The following SCARA5 variants were observed in gnomAD, a reference collection of about 807,000 sequenced individuals.
SCARA5 encodes scavenger receptor class A member 5.
In SCARA5, 45 loss-of-function variants were observed where a neutral mutation model predicts 46.3. The ratio of observed to expected loss-of-function variants is 0.97; its 90% CI spans 0.76 to 1.24. The LOEUF (loss-of-function observed/expected upper bound fraction) is 1.24. Ranked by LOEUF, SCARA5 falls within the 50% of genes most tolerant of loss-of-function variation. SCARA5 has a pLI of 0.00. For synonymous variants in SCARA5, 333 were observed against 306.5 expected, an observed-to-expected ratio of 1.09 and a Z score of -0.90; for missense variants, 680 against 689.0, an observed-to-expected ratio of 0.99 and a Z score of 0.15.
At chr8:27,874,958 C>T (rs1806698781) in intron 8 of SCARA5, among the ~76,000 whole-genome samples, 1 of 152,182 alleles carries the variant, frequency 6.6e-6, no homozygotes, top group African/African-American at 2.4e-5. Flanking sequence ...ATCTTCAAGG[C>T]CCTCCCATTT....
At chr8:27,941,809 T>G (rs1392981919) in intron 3 of SCARA5, among the ~76,000 whole-genome samples, 1 of 136,878 alleles carries the variant, frequency 7.3e-6, no homozygotes, top group African/African-American at 2.8e-5. Flanking sequence ...TCATTATTAT[T>G]ATTATTATTA....
intron 3 of SCARA5, among the ~76,000 whole-genome samples, chr8:27,928,625 C>T (rs572320918): frequency 4.6e-5 from 7 of 152,120 alleles, no homozygotes; most frequent in Non-Finnish European, 1.5e-5. Flanking sequence ...ACACGGAGAA[C>T]ACACTTGTCT....
intron 3 of SCARA5, among the ~76,000 whole-genome samples, chr8:27,923,148 C>T (rs1442596224): frequency 2.0e-5 from 3 of 152,244 alleles, no homozygotes; most frequent in Non-Finnish European, 4.4e-5. Context: ...ACTAAGAATG[C>T]TTGCTCCAGA....
At chr8:27,966,392 G>C (rs563073955) in intron 3 of SCARA5, 22 bp downstream of exon 3, 1 of 1,584,470 alleles carries the variant, frequency 6.3e-7, no homozygotes, top group Admixed American at 1.9e-5. Context: ...AAAAGACCAG[G>C]ACAAAAATGG....
intron 7 of SCARA5, chr8:27,904,381 G>A (rs1807216331): frequency 2.9e-6 from 1 of 339,456 alleles, no homozygotes; most frequent in Admixed American, 4.2e-5. Context: ...CTCACCAGGT[G>A]TCCAGCATGA....
chr8:27,875,611 C>T (rs1039619681), intron 8 of SCARA5, among the ~76,000 whole-genome samples: 2 of 152,082 alleles, frequency 1.3e-5, no homozygotes, highest in South Asian at 2.1e-4. Flanking sequence ...ATCTGTGCCC[C>T]GAGAACCACC....
At chr8:27,938,159 G>GC (rs1807886812) in intron 3 of SCARA5, among the ~76,000 whole-genome samples, 2 of 152,112 alleles carry the variant, frequency 1.3e-5, no homozygotes, top group Non-Finnish European at 2.9e-5. Flanking sequence ...CCAGGCCATG[G>GC]GGTGCTTCTA....
chr8:27,913,146 G>A (rs1055415954), intron 4 of SCARA5, among the ~76,000 whole-genome samples: 10 of 152,204 alleles, frequency 6.6e-5, no homozygotes, highest in African/African-American at 1.9e-4. Context: ...GAGAGGCAGG[G>A]CTCAAGAACA....
intron 2 of SCARA5, among the ~76,000 whole-genome samples, chr8:27,984,834 T>C (rs1808680304): frequency 6.6e-6 from 1 of 152,142 alleles, no homozygotes; most frequent in Non-Finnish European, 1.5e-5. Context: ...CATCTATCCA[T>C]CTATTCATCC....
At chr8:27,969,787 T>C (rs1808420924) in intron 2 of SCARA5, among the ~76,000 whole-genome samples, 1 of 152,110 alleles carries the variant, frequency 6.6e-6, no homozygotes, top group Non-Finnish European at 1.5e-5. Context: ...TTCTGTACTT[T>C]CCATTTGCCT....
intron 2 of SCARA5, among the ~76,000 whole-genome samples, chr8:27,984,915 TCATC>T (rs999963838): frequency 6.6e-6 from 1 of 151,648 alleles, no homozygotes; most frequent in African/African-American, 2.4e-5. Flanking sequence ...ATTTATTCAT[TCATC>T]CATTCACCCA....
At chr8:27,958,453 G>A (rs750424551) in intron 3 of SCARA5, among the ~76,000 whole-genome samples, 4 of 152,170 alleles carry the variant, frequency 2.6e-5, no homozygotes, top group Admixed American at 2.6e-4. Flanking sequence ...AGGCTGGGGG[G>A]ACTTCAAACG....
chr8:27,921,537 G>A (rs1363897878), intron 4 of SCARA5, 34 bp downstream of exon 4: 1 of 1,514,440 alleles, frequency 6.6e-7, no homozygotes, highest in Non-Finnish European at 8.9e-7. Context: ...ATCAGAAGGG[G>A]CCGTGGGTGG....
intron 8 of SCARA5, 144 bp downstream of exon 8, chr8:27,879,424 AG>A (rs1806773222): frequency 1.4e-6 from 1 of 716,270 alleles, no homozygotes; most frequent in Non-Finnish European, 2.4e-6. Context: ...GGGGCGGGGC[AG>A]TGAGTTCTTA....
At chr8:27,982,812 G>A (rs1167870883) in intron 2 of SCARA5, among the ~76,000 whole-genome samples, 1 of 152,178 alleles carries the variant, frequency 6.6e-6, no homozygotes, top group African/African-American at 2.4e-5. Flanking sequence ...AGAGAACCAA[G>A]GCACCCAACA....
rs139551516 is a variant in SCARA5 at position 27,936,538 on chromosome 8, G to A, written c.242-14293C>T. ...CGGGAGGCAGAGGTTGCAGTGAGCCGAGATCACACCACTGCACTCCAGCCT... is the reference window on the plus strand; with the variant it reads ...CGGGAGGCAGAGGTTGCAGTGAGCCAAGATCACACCACTGCACTCCAGCCT... On this transcript the variant is annotated intron_variant, in intron 3 of 8. Transcript: ENST00000354914. Among the ~76,000 whole-genome samples, 312 of 127,558 alleles carry A rather than the reference G, an allele frequency of 2.4e-3. 3 individuals carry two copies. The highest frequency in any genetic ancestry group is 0.01 in the Middle Eastern group (2 of 194). The allele number at this position is 127,558 out of a possible 152,430, so 83.7% of individuals were successfully genotyped here. A position where few individuals can be genotyped will look rare whatever the true frequency, so the allele number is the denominator to read the frequency against.
chr8:27,984,540 TCATC>T (rs1164908509), intron 2 of SCARA5, among the ~76,000 whole-genome samples: 2 of 149,970 alleles, frequency 1.3e-5, no homozygotes, highest in African/African-American at 2.4e-5. Context: ...ATCCATTCAT[TCATC>T]CATCCATCCA....
chr8:27,976,379 A>G (rs1403943978), intron 2 of SCARA5, among the ~76,000 whole-genome samples: 1 of 152,172 alleles, frequency 6.6e-6, no homozygotes, highest in Non-Finnish European at 1.5e-5. Context: ...GACCCTCCCC[A>G]TACAGAGTGG....
Position 27,992,410 on chromosome 8 carries a change from A to G in SCARA5, c.-169T>C, listed in dbSNP as rs116872498. On this transcript the variant is annotated 5_prime_UTR_variant, in exon 1 of 9. Coordinates refer to ENST00000354914, the MANE Select transcript of SCARA5 (RefSeq NM_173833.6). ...GCCAAATCCAGATGGAGTCATAGAA[A>G]GGGGCTGCAGGGGCGCCCAGGGACG... is the stretch of plus-strand genomic sequence containing the variant. The G allele has an allele frequency of 0.014, 2,110 of 152,390 alleles. 23 individuals carry two copies. The highest frequency in any genetic ancestry group is 0.022 in the Non-Finnish European group (1,494 of 68,082). The allele number at this position is 152,390 out of a possible 1,614,324, so 9.4% of individuals were successfully genotyped here.
Sources: allele counts gnomAD v4.1 joint callset (sites outside exome capture counted in the v4.1 genomes callset), GRCh38; gene constraint gnomAD v4.1.1; transcripts MANE v1.5; gene names NCBI Gene and HGNC (gene_info 2026-07-23, HGNC 2026-07-21).